Variants in CYP20A1 observed in about 807,000 individuals in gnomAD.
The protein encoded by CYP20A1 is cytochrome P450 family 20 subfamily A member 1, also known as cytochrome P450 20A1.
A neutral mutation model predicts 61.4 loss-of-function variants in CYP20A1; 61 were observed. That is an observed-to-expected ratio of 0.99 (90% CI 0.81 to 1.23). The LOEUF (loss-of-function observed/expected upper bound fraction) is 1.23, where lower values mean the gene tolerates loss of function less well. Ranked by LOEUF, CYP20A1 falls within the 50% of genes most tolerant of loss-of-function variation. CYP20A1 has a pLI of 0.00. For missense variants in CYP20A1, 530 were observed against 542.4 expected, an observed-to-expected ratio of 0.98 and a Z score of 0.23; for synonymous variants, 193 against 188.2, an observed-to-expected ratio of 1.03 and a Z score of -0.21.
At chr2:203,263,623 CA>C (rs2067223873) in intron 4 of CYP20A1, among the ~76,000 whole-genome samples, 2 of 152,166 alleles carry the variant, frequency 1.3e-5, no homozygotes, top group Admixed American at 1.3e-4. Context: ...TTTCCATTAT[CA>C]TTTAGTTCAA....
At chr2:203,253,183 C>T (rs572595343) in intron 4 of CYP20A1, among the ~76,000 whole-genome samples, 6 of 152,170 alleles carry the variant, frequency 3.9e-5, no homozygotes, top group African/African-American at 7.2e-5. Flanking sequence ...TCTGTCCCCA[C>T]GGGTCCTGCC....
intron 4 of CYP20A1, among the ~76,000 whole-genome samples, chr2:203,258,055 C>T (rs905143667): frequency 3.8e-5 from 2 of 52,310 alleles, no homozygotes; most frequent in Non-Finnish European, 1.4e-4. Flanking sequence ...GCACGTGCCA[C>T]CCTGCCCAGC....
intron 10 of CYP20A1, among the ~76,000 whole-genome samples, chr2:203,291,434 T>G (rs2068526289): frequency 2.0e-5 from 3 of 152,236 alleles, no homozygotes; most frequent in Non-Finnish European, 4.4e-5. Flanking sequence ...TCACTGCCTC[T>G]GAATTTGAGT....
chr2:203,250,919 C>T (rs1248842361), intron 3 of CYP20A1, among the ~76,000 whole-genome samples: 1 of 151,790 alleles, frequency 6.6e-6, no homozygotes, highest in East Asian at 1.9e-4. Context: ...AAAAAATTAG[C>T]CGGGCATGCT....
Position 203,251,969 on chromosome 2 carries a change from G to T in CYP20A1, c.292G>T (p.Asp98Tyr), listed in dbSNP as rs2066707631. 6.4e-7 allele frequency: 1 copy of T among 1,551,178 alleles called. No individual in the cohort carries two copies. ...AATATTTAATTTGTCTGTTTCAGCG[G>T]ACCCTTTTGAAACCATGCTGAAGTC... is the stretch of plus-strand genomic sequence containing the variant. The part of the protein sequence containing the change: ...KQHINPNKTS[D>Y]PFETMLKSLL... The change falls in exon 4 of 13, where the codon GAC (aspartate) becomes TAC (tyrosine). Residue 98 changes from aspartate (D) to tyrosine (Y), a missense_variant and splice_region_variant. Physicochemically the swap from Asp to Tyr is radical, Grantham distance 160. Transcript: ENST00000356079.
intron 6 of CYP20A1, among the ~76,000 whole-genome samples, chr2:203,275,116 C>G (rs958797413): frequency 1.3e-5 from 2 of 152,146 alleles, no homozygotes; most frequent in African/African-American, 4.8e-5. Context: ...AAGATCAGAC[C>G]TTATCCTAGA....
chr2:203,292,289 G>A lies in CYP20A1; in HGVS notation c.1111G>A (p.Val371Ile). 1 of 1,612,460 alleles carries A rather than the reference G, an allele frequency of 6.2e-7. No homozygotes were observed. The highest frequency in any genetic ancestry group is 8.5e-7 in the Non-Finnish European group (1 of 1,179,216). ...ETLVLYALGVVLQDPNTWPSP... is the reference protein window; with the variant it reads ...ETLVLYALGVILQDPNTWPSP... ...CCTCGTCCTTTATGCCCTTGGTGTG[G>A]TACTTCAGGATCCTAATACTTGGCC... is the stretch of plus-strand genomic sequence containing the variant. Residue 371 changes from valine (V) to isoleucine (I), a missense_variant, in exon 11 of 13, where the codon GTA (valine) becomes ATA (isoleucine). Coordinates refer to ENST00000356079, the MANE Select transcript of CYP20A1 (RefSeq NM_177538.3).
chr2:203,265,105 T>G (rs879543962), intron 4 of CYP20A1, among the ~76,000 whole-genome samples: 2 of 152,218 alleles, frequency 1.3e-5, no homozygotes, highest in Non-Finnish European at 2.9e-5. Flanking sequence ...AGTTACATAT[T>G]TTAACTATTT....
intron 4 of CYP20A1, among the ~76,000 whole-genome samples, chr2:203,264,564 A>AT (rs2067254901): frequency 1.3e-5 from 2 of 151,842 alleles, no homozygotes; most frequent in Admixed American, 6.6e-5. Flanking sequence ...ATATAGTTGT[A>AT]TTTTTTTAAT....
chr2:203,284,426 A>G (rs371728926), intron 8 of CYP20A1, among the ~76,000 whole-genome samples: 2 of 152,332 alleles, frequency 1.3e-5, no homozygotes, highest in East Asian at 3.9e-4. Context: ...ACTAAAGGAA[A>G]TATAACTACT....
rs1414771014 is a variant in CYP20A1, at chr2:203,296,692, C to T, written c.1239-66C>T. ...TACTTTAAGTTCTGGGGTTCATGTG[C>T]AGAACGTGCAGGTTTAAAGTATAAT... is the stretch of plus-strand genomic sequence containing the variant. On this transcript the variant is annotated intron_variant, in intron 12 of 12. Transcript: ENST00000356079. The T allele has an allele frequency of 2.6e-6, 4 of 1,521,506 alleles. No individual in the cohort carries two copies. In the African/African-American group the frequency reaches 4.2e-5, roughly 16 times the overall value. The allele number at this position is 1,521,506 out of a possible 1,614,324, so 94.3% of individuals were successfully genotyped here. A position where few individuals can be genotyped will look rare whatever the true frequency, so the allele number is the denominator to read the frequency against.
rs909614774 is a variant in CYP20A1 at position 203,299,549 on chromosome 2, G to GA, written c.*2651dup. On this transcript the variant is annotated 3_prime_UTR_variant, in exon 13 of 13. Coordinates refer to ENST00000356079, the MANE Select transcript of CYP20A1 (RefSeq NM_177538.3). The stretch of plus-strand genomic sequence containing the variant: ...TTAATTGGATGCAGTCTGTATTTTT[G>GA]AAAAAAAAAATTTTTTTTGGAATAA... 3.1e-4 allele frequency among the ~76,000 whole-genome samples: 47 copies of GA among 150,788 alleles called. 1 individual carries two copies. The highest frequency in any genetic ancestry group is 1.5e-3 in the South Asian group (7 of 4,770).
chr2:203,291,648 A>AT lies in CYP20A1; in HGVS notation c.1084-605dup, dbSNP rs368650625. 5.0e-4 allele frequency among the ~76,000 whole-genome samples: 75 copies of AT among 148,918 alleles called. 1 individual carries two copies. The highest frequency in any genetic ancestry group is 3.1e-3 in the Admixed American group (46 of 14,930). On this transcript the variant is annotated intron_variant, in intron 10 of 12. Transcript: ENST00000356079. The stretch of plus-strand genomic sequence containing the variant: ...GCAAATAACTTTTACTGTTGCTTAC[A>AT]TTTTTTTTTGTTATTGTTTTTTAAC...
At chr2:203,256,226 C>T (rs1239037068) in intron 4 of CYP20A1, among the ~76,000 whole-genome samples, 1 of 152,160 alleles carries the variant, frequency 6.6e-6, no homozygotes, top group Non-Finnish European at 1.5e-5. Flanking sequence ...ACCTTCATCT[C>T]GCAAAGTGCT....
At chr2:203,283,037 A>G (rs974758597) in intron 8 of CYP20A1, among the ~76,000 whole-genome samples, 7 of 151,908 alleles carry the variant, frequency 4.6e-5, no homozygotes, top group African/African-American at 1.7e-4. Flanking sequence ...TTAGCTGTGC[A>G]TGGTGGCATG....
At chr2:203,278,122 A>C (rs557883707) in intron 6 of CYP20A1, among the ~76,000 whole-genome samples, 7 of 152,128 alleles carry the variant, frequency 4.6e-5, no homozygotes, top group African/African-American at 1.7e-4. Context: ...CCAAAAATAC[A>C]AAAATTAGCT....
chr2:203,265,705 T>G (rs1169494189), intron 4 of CYP20A1, among the ~76,000 whole-genome samples: 1 of 152,148 alleles, frequency 6.6e-6, no homozygotes, highest in Non-Finnish European at 1.5e-5. Flanking sequence ...TTGGTTGGTT[T>G]TTTGAGACAG....
intron 1 of CYP20A1, among the ~76,000 whole-genome samples, chr2:203,243,970 G>A (rs2066356070): frequency 6.6e-6 from 1 of 152,098 alleles, no homozygotes; most frequent in Admixed American, 6.6e-5. Context: ...GATTATCGAT[G>A]CAAGCCACCA....
chr2:203,267,804 C>G (rs2067391709), intron 5 of CYP20A1, among the ~76,000 whole-genome samples: 2 of 149,780 alleles, frequency 1.3e-5, no homozygotes, highest in African/African-American at 4.9e-5. Context: ...GATTGCACCA[C>G]TGGCACTCCA....
Sources: allele counts gnomAD v4.1 joint callset (sites outside exome capture counted in the v4.1 genomes callset), GRCh38; gene constraint gnomAD v4.1.1; transcripts MANE v1.5; gene names NCBI Gene and HGNC (gene_info 2026-07-23, HGNC 2026-07-21).